N4BP2: variants seen among roughly 807,000 people sequenced by gnomAD.
The protein encoded by N4BP2 is NEDD4 binding protein 2.
N4BP2 carries 91 observed loss-of-function variants against 152.8 expected under a neutral mutation model. The ratio of observed to expected loss-of-function variants is 0.60; its 90% confidence interval spans 0.50 to 0.71. The LOEUF (loss-of-function observed/expected upper bound fraction) is 0.71. N4BP2 is among the 30% of genes least tolerant of loss of function. The pLI, the probability that N4BP2 is intolerant of heterozygous loss-of-function variation, is 0.00. For synonymous variants in N4BP2, 646 were observed against 705.3 expected, an observed-to-expected ratio of 0.92 and a Z score of 1.33; for missense variants, 1,923 against 2,059.1, an observed-to-expected ratio of 0.93 and a Z score of 1.28.
At chr4:40,086,822 A>G (rs2109930560) in intron 2 of N4BP2, among the ~76,000 whole-genome samples, 1 of 152,192 alleles carries the variant, frequency 6.6e-6, no homozygotes, top group African/African-American at 2.4e-5. Context: ...ATCAGAGCTC[A>G]CTGCAGCCTT....
chr4:40,085,474 A>G (rs1338773379), intron 2 of N4BP2, among the ~76,000 whole-genome samples: 1 of 152,120 alleles, frequency 6.6e-6, no homozygotes, highest in Non-Finnish European at 1.5e-5. Flanking sequence ...CTTTTTCTTA[A>G]GAGATGGGGT....
intron 1 of N4BP2, among the ~76,000 whole-genome samples, chr4:40,060,050 T>C (rs1733534326): frequency 6.6e-6 from 1 of 151,972 alleles, no homozygotes; most frequent in Non-Finnish European, 1.5e-5. Flanking sequence ...CTCAGGCTGC[T>C]CTCGAACTCC....
At chr4:40,070,623 G>A (rs1279029748) in intron 1 of N4BP2, among the ~76,000 whole-genome samples, 1 of 151,818 alleles carries the variant, frequency 6.6e-6, no homozygotes, top group Non-Finnish European at 1.5e-5. Flanking sequence ...GCTAATTTTT[G>A]TATTTTTTGT....
At chr4:40,131,690 T>G in intron 12 of N4BP2, 111 bp from the exon 13 acceptor site, 2 of 720,102 alleles carry the variant, frequency 2.8e-6, no homozygotes, top group Non-Finnish European at 4.7e-6. Context: ...AGAAAGTCTG[T>G]GATTGCTTTT....
At chr4:40,149,260 A>C (rs1372427855) in intron 16 of N4BP2, among the ~76,000 whole-genome samples, 1 of 152,248 alleles carries the variant, frequency 6.6e-6, no homozygotes, top group Non-Finnish European at 1.5e-5. Context: ...ATGAAATTTA[A>C]TTTAGCCATG....
At chr4:40,161,296 A>G (rs1721853754), downstream of N4BP2, among the ~76,000 whole-genome samples, 1 of 152,264 alleles carries the variant, frequency 6.6e-6, no homozygotes, top group African/African-American at 2.4e-5. Flanking sequence ...ACCAATTTAC[A>G]GGGATTACAG....
In N4BP2 at chr4:40,126,269, A is replaced by G. The variant is rs189174703; in HGVS notation, c.4466A>G (p.Lys1489Arg). The change falls in exon 12 of 18, where the codon AAA becomes AGA. Residue 1489 changes from lysine to arginine, a missense_variant. Lys to Arg is a conservative substitution (Grantham distance 26, BLOSUM62 2). Coordinates refer to ENST00000261435, the MANE Select transcript of N4BP2 (RefSeq NM_018177.6). Reference protein sequence around the residue: ...PLLDHWNTQTKKVSLREIMSE... With the variant: ...PLLDHWNTQTRKVSLREIMSE... The stretch of plus-strand genomic sequence containing the variant: ...TTGGATCATTGGAATACTCAAACTA[A>G]AAAAGTATCACTCAGAGAAATAATG... The G allele has an allele frequency of 3.1e-6, 5 of 1,595,916 alleles. No individual in the cohort carries two copies. In the East Asian group the frequency reaches 9.1e-5, roughly 29 times the overall value.
intron 16 of N4BP2, among the ~76,000 whole-genome samples, chr4:40,148,374 A>T (rs1230856100): frequency 6.7e-6 from 1 of 149,466 alleles, no homozygotes; most frequent in Non-Finnish European, 1.5e-5. Flanking sequence ...TCAGGCAGGG[A>T]GGTTGCAGTG....
At chr4:40,099,346 G>A (rs1715399514) in intron 3 of N4BP2, among the ~76,000 whole-genome samples, 1 of 152,170 alleles carries the variant, frequency 6.6e-6, no homozygotes, top group African/African-American at 2.4e-5. Flanking sequence ...GAGTTAAAGT[G>A]ATTCTCCTGC....
chr4:40,114,054 C>T (rs1198586100), intron 7 of N4BP2, among the ~76,000 whole-genome samples: 1 of 152,158 alleles, frequency 6.6e-6, no homozygotes, highest in Admixed American at 6.5e-5. Context: ...GAAAAGGTAG[C>T]AAATATCCAG....
intron 2 of N4BP2, among the ~76,000 whole-genome samples, chr4:40,084,998 C>T (rs1211413744): frequency 1.4e-5 from 2 of 146,650 alleles, no homozygotes; most frequent in African/African-American, 5.1e-5. Flanking sequence ...CTGCCACCTC[C>T]GCCTCCTAGG....
intron 16 of N4BP2, among the ~76,000 whole-genome samples, chr4:40,147,750 GA>G (rs2110044038): frequency 6.6e-6 from 1 of 151,972 alleles, no homozygotes; most frequent in Non-Finnish European, 1.5e-5. Flanking sequence ...CTGCCGGGCG[GA>G]GGGGCTTCTC....
intron 1 of N4BP2, 139 bp from the exon 2 acceptor site, chr4:40,073,316 T>C (rs947515199): frequency 6.6e-6 from 1 of 152,164 alleles, no homozygotes; most frequent in Admixed American, 6.6e-5. Flanking sequence ...GTGCAGTCTT[T>C]CTTGTCTTTT....
chr4:40,173,476 A>G, the N4BP2 span, among the ~76,000 whole-genome samples: 3 of 152,232 alleles, frequency 2.0e-5, no homozygotes, highest in Non-Finnish European at 4.4e-5. Context: ...CAGCATTTGT[A>G]GTACACACTA....
intron 2 of N4BP2, among the ~76,000 whole-genome samples, chr4:40,087,926 G>C (rs1360462750): frequency 6.6e-6 from 1 of 152,066 alleles, no homozygotes; most frequent in Non-Finnish European, 1.5e-5. Context: ...GTAGAGGCAG[G>C]GTTTTGCCAT....
At chr4:40,136,795 C>T (rs1357107758) in intron 13 of N4BP2, 149 bp from the exon 14 acceptor site, 1 of 555,008 alleles carries the variant, frequency 1.8e-6, no homozygotes, top group Non-Finnish European at 3.2e-6. Flanking sequence ...TTTTGAGATA[C>T]ACCATGAGCA....
chr4:40,147,603 C>T (rs1720693480), intron 16 of N4BP2, among the ~76,000 whole-genome samples: 1 of 150,872 alleles, frequency 6.6e-6, no homozygotes, highest in Admixed American at 6.6e-5. Context: ...CCCCACCTCC[C>T]TCCCGGACGG....
At chr4:40,141,665 C>G (rs1439583706) in intron 14 of N4BP2, among the ~76,000 whole-genome samples, 1 of 152,046 alleles carries the variant, frequency 6.6e-6, no homozygotes, top group Admixed American at 6.5e-5. Context: ...CAGAGACGCT[C>G]CTCACTTCCC....
downstream of N4BP2, among the ~76,000 whole-genome samples, chr4:40,160,882 A>C (rs9994542): frequency 5.6e-3 from 858 of 152,328 alleles, 8 homozygotes; most frequent in African/African-American, 0.019. Context: ...GTGGAGGGAC[A>C]GATGACAAAG....
Sources: allele counts gnomAD v4.1 joint callset (sites outside exome capture counted in the v4.1 genomes callset), GRCh38; gene constraint gnomAD v4.1.1; transcripts MANE v1.5; gene names NCBI Gene and HGNC (gene_info 2026-07-23, HGNC 2026-07-21).